The following NECAB2 variants were observed in gnomAD, a reference collection of about 807,000 sequenced individuals.
The protein encoded by NECAB2 is N-terminal EF-hand calcium binding protein 2, also known as N-terminal EF-hand calcium-binding protein 2.
In NECAB2, 68 loss-of-function variants were observed where a neutral mutation model predicts 51.9. The ratio of observed to expected loss-of-function variants is 1.31; its 90% CI spans 1.08 to 1.60. The LOEUF is 1.60. Ranked by LOEUF, NECAB2 falls within the 40% of genes most tolerant of loss-of-function variation. The pLI is 0.00. For missense variants in NECAB2, 854 were observed against 490.3 expected, an observed-to-expected ratio of 1.74 and a Z score of -7.00; for synonymous variants, 329 against 203.5, an observed-to-expected ratio of 1.62 and a Z score of -5.25.
intron 2 of NECAB2, among the ~76,000 whole-genome samples, chr16:83,972,977 G>A (rs2084365479): frequency 6.6e-6 from 1 of 152,198 alleles, no homozygotes; most frequent in Non-Finnish European, 1.5e-5. Flanking sequence ...TCCCTCTCTG[G>A]GCCTTGGTTT....
intron 10 of NECAB2, among the ~76,000 whole-genome samples, chr16:83,999,128 C>T (rs1022608704): frequency 5.3e-5 from 8 of 152,188 alleles, no homozygotes; most frequent in African/African-American, 1.7e-4. Context: ...GAGGGGTCTT[C>T]TTGGGCCCCC....
rs2084809857 is a variant in NECAB2 at position 84,000,580 on chromosome 16, A to C, written c.963-144A>C. On this transcript the variant is annotated intron_variant, in intron 10 of 12. Transcript: ENST00000305202. ...TCCCTGTGCTGGGGTCACCCTGTCG[A>C]GTCTCGATGGAGGTCAAGACAGGAA... 6 of 616,730 alleles carry C rather than the reference A, an allele frequency of 9.7e-6. No homozygotes were observed. In the South Asian group the frequency reaches 1.2e-4, roughly 12 times the overall value. 38.2% of individuals were successfully genotyped at this position (616,730 alleles called of 1,614,324 possible). A position where few individuals can be genotyped will look rare whatever the true frequency, so the allele number is the denominator to read the frequency against.
upstream of NECAB2, chr16:83,965,789 C>G: frequency 6.2e-7 from 1 of 1,613,092 alleles, no homozygotes; most frequent in African/African-American, 1.3e-5. Context: ...CTCCTTCCTG[C>G]CTGGGGCAGG....
chr16:83,998,321 A>G lies in NECAB2; in HGVS notation c.962+4A>G. 1 of 1,613,010 alleles carries G rather than the reference A, an allele frequency of 6.2e-7. No individual in the cohort carries two copies. Among genetic ancestry groups the G allele is most frequent in the Non-Finnish European group, 8.5e-7 (1 of 1,179,748 alleles). On this transcript the variant is annotated splice_donor_region_variant and intron_variant, in intron 10 of 12. Coordinates refer to ENST00000305202, the MANE Select transcript of NECAB2 (RefSeq NM_019065.3). ...CTGGCGTGAGGAACTGCTTCCAGTGAGTGAGCTGCCGAGGCGTGGGTGGGA... is the reference window on the plus strand; with the variant it reads ...CTGGCGTGAGGAACTGCTTCCAGTGGGTGAGCTGCCGAGGCGTGGGTGGGA...
At chr16:83,993,072 T>C (rs1278916878) in intron 6 of NECAB2, among the ~76,000 whole-genome samples, 1 of 152,172 alleles carries the variant, frequency 6.6e-6, no homozygotes, top group Non-Finnish European at 1.5e-5. Context: ...CTTGTCGTGA[T>C]ACCTCTGTTC....
At chr16:83,979,991 G>A (rs972534300) in intron 3 of NECAB2, among the ~76,000 whole-genome samples, 5 of 152,172 alleles carry the variant, frequency 3.3e-5, no homozygotes, top group African/African-American at 1.2e-4. Context: ...AATATGAGAT[G>A]GAGGTTGGAG....
intron 10 of NECAB2, among the ~76,000 whole-genome samples, chr16:83,999,884 TTTTAAAGGTTTTTTGAGA>T (rs1028366665): frequency 3.4e-5 from 5 of 147,850 alleles, no homozygotes; most frequent in Admixed American, 6.6e-5. Flanking sequence ...GTTTTTTGAT[TTTTAAAGGTTTTTTGAGA>T]CCAAATCTTG....
intron 9 of NECAB2, among the ~76,000 whole-genome samples, chr16:83,997,611 C>A (rs1005819910): frequency 2.7e-5 from 4 of 150,418 alleles, no homozygotes; most frequent in African/African-American, 9.8e-5. Flanking sequence ...CCTCAGCCTC[C>A]TGAGTAGCTG....
intron 10 of NECAB2, among the ~76,000 whole-genome samples, chr16:83,998,989 T>G (rs1011461260): frequency 6.6e-6 from 1 of 152,146 alleles, no homozygotes; most frequent in African/African-American, 2.4e-5. Context: ...CCCCCGTTTC[T>G]GCAGCAAGGC....
chr16:84,001,831 G>A lies in NECAB2; in HGVS notation c.1047G>A (p.Leu349=). ...WETEEAWKRH[L]QSPLCKAFRH... The stretch of plus-strand genomic sequence containing the variant: ...ACATGTCCCTGCGTCACAGGCACCT[G>A]CAGAGCCCCCTGTGTAAGGCGTTCC... Residue 349 remains leucine, a synonymous_variant, in exon 12 of 13, where the codon CTG becomes CTA. Transcript: ENST00000305202. The A allele has an allele frequency of 6.2e-7, 1 of 1,614,046 alleles. No homozygotes were observed. The highest frequency in any genetic ancestry group is 2.2e-5 in the East Asian group (1 of 44,878).
At chr16:83,992,531 A>G (rs1270700861) in intron 6 of NECAB2, among the ~76,000 whole-genome samples, 1 of 152,184 alleles carries the variant, frequency 6.6e-6, no homozygotes, top group African/African-American at 2.4e-5. Flanking sequence ...AGCTCGATTG[A>G]GCCCTTAATT....
intron 9 of NECAB2, among the ~76,000 whole-genome samples, chr16:83,997,978 C>A (rs1030519008): frequency 6.6e-6 from 1 of 152,172 alleles, no homozygotes; most frequent in African/African-American, 2.4e-5. Context: ...TAAACAACCT[C>A]GTCTGTTTTC....
chr16:84,001,998 G>A (rs535731621), intron 12 of NECAB2, 82 bp downstream of exon 12: 93 of 1,458,478 alleles, frequency 6.4e-5, no homozygotes, highest in South Asian at 2.0e-4. Flanking sequence ...CATATCTCCC[G>A]GGGACTTGCC....
At chr16:83,984,552 G>A (rs189948063) in intron 5 of NECAB2, among the ~76,000 whole-genome samples, 9 of 151,914 alleles carry the variant, frequency 5.9e-5, no homozygotes, top group South Asian at 4.2e-4. Flanking sequence ...GTGGGACCCC[G>A]TTTCTACCAA....
chr16:83,997,736 G>C (rs2084734980), intron 9 of NECAB2, among the ~76,000 whole-genome samples: 1 of 151,806 alleles, frequency 6.6e-6, no homozygotes, highest in Non-Finnish European at 1.5e-5. Context: ...CTCATGATCT[G>C]CCCACCTTGG....
At position 83,999,292 on chromosome 16, in the gene NECAB2, C is replaced by G. The variant is rs368259633; in HGVS notation, c.962+975C>G. 2.6e-4 allele frequency among the ~76,000 whole-genome samples: 39 copies of G among 152,236 alleles called. No homozygotes were observed. The South Asian group carries it at 7.9e-3, about 31-fold the overall frequency. ...ATGGGGGGGCAGGACCCACTCCACTCCAGGAGGACAGACTGCACAGGAGCA... is the reference window on the plus strand; with the variant it reads ...ATGGGGGGGCAGGACCCACTCCACTGCAGGAGGACAGACTGCACAGGAGCA... On this transcript the variant is annotated intron_variant, in intron 10 of 12. Transcript: ENST00000305202.
chr16:83,968,884 C>T (rs2084318822), intron 1 of NECAB2, 35 bp downstream of exon 1: 6 of 1,094,812 alleles, frequency 5.5e-6, no homozygotes, highest in Non-Finnish European at 6.7e-6. Flanking sequence ...CCGCCGTGGC[C>T]TCCGCTGGGA....
intron 1 of NECAB2, chr16:83,971,429 GC>G (rs2084345944): frequency 6.6e-6 from 1 of 152,278 alleles, no homozygotes; most frequent in African/African-American, 2.4e-5. Context: ...CTGGCAAGCA[GC>G]ACCTGCCAGC....
intron 2 of NECAB2, among the ~76,000 whole-genome samples, chr16:83,974,489 A>G (rs1026404146): frequency 2.6e-5 from 4 of 152,154 alleles, no homozygotes; most frequent in African/African-American, 9.7e-5. Flanking sequence ...CTCTGTGCTC[A>G]GCAGGGAATT....
Sources: gnomAD v4.1 joint callset for allele counts (sites outside exome capture counted in the v4.1 genomes callset) on GRCh38, gnomAD v4.1.1 for gene constraint, MANE v1.5 for transcripts, NCBI Gene and HGNC (gene_info 2026-07-23, HGNC 2026-07-21) for gene names.